Variants in ZNF623 observed in about 807,000 individuals in gnomAD.
The protein encoded by ZNF623 is zinc finger protein 623.
ZNF623 carries 16 observed loss-of-function variants against 24.0 expected under a neutral mutation model. The observed-to-expected ratio is 0.67, with a 90% confidence interval of 0.45 to 1.01. ZNF623 has a LOEUF of 1.01. ZNF623 is among the 50% of genes least tolerant of loss of function. The pLI is 0.00. For synonymous variants in ZNF623, 224 were observed against 219.8 expected, an observed-to-expected ratio of 1.02 and a Z score of -0.17; for missense variants, 566 against 606.5, an observed-to-expected ratio of 0.93 and a Z score of 0.70.
At chr8:143,638,512 G>T (rs1814975438) in intron 1 of ZNF623, among the ~76,000 whole-genome samples, 1 of 151,398 alleles carries the variant, frequency 6.6e-6, no homozygotes, top group Non-Finnish European at 1.5e-5. Flanking sequence ...GAGGTGGGTG[G>T]ATCACCTGAG....
In ZNF623 at chr8:143,650,395, GGA is replaced by G; in HGVS notation, c.410_411del (p.Arg137ThrfsTer5). 6.2e-7 allele frequency: 1 copy of G among 1,614,222 alleles called. No individual in the cohort carries two copies. Among genetic ancestry groups the G allele is most frequent in the Non-Finnish European group, 8.5e-7 (1 of 1,180,052 alleles). On this transcript the variant is annotated frameshift_variant, in exon 2 of 2. Coordinates refer to ENST00000526926, the MANE Select transcript of ZNF623 (RefSeq NM_001261843.2). LOFTEE classifies it low-confidence loss of function (END_TRUNC). The surrounding 1 kb of genome is among the most constrained non-coding windows in gnomAD (Gnocchi z 5.2). ...TATGGAGCATCAGAGAATTCACACT[GGA>G]GAGAGACTCTACGTCTGTAATGTGT... ...HLMEHQRIHTGERLYVCNVCG... is the reference protein window; with the variant it reads ...HLMEHQRIHTXERLYVCNVCG...
In ZNF623 at chr8:143,650,154, T is replaced by C; in HGVS notation, c.162T>C (p.Ala54=). ...GGAAGATCCAGACAGGAGAGACAGCTCAAGTGTGCACCAAGTCAGGAAGAA... is the reference window on the plus strand; with the variant it reads ...GGAAGATCCAGACAGGAGAGACAGCCCAAGTGTGCACCAAGTCAGGAAGAA... ...THWKIQTGET[A]QVCTKSGRNH... The change falls in exon 2 of 2, where the codon GCT becomes GCC. Residue 54 remains alanine (A), a synonymous_variant. Coordinates refer to ENST00000526926, the MANE Select transcript of ZNF623 (RefSeq NM_001261843.2). The surrounding 1 kb of genome is among the most constrained non-coding windows in gnomAD (Gnocchi z 5.2). 1 of 1,614,106 alleles carries C rather than the reference T, an allele frequency of 6.2e-7. No individual in the cohort carries two copies. Among genetic ancestry groups the C allele is most frequent in the Middle Eastern group, 1.6e-4 (1 of 6,062 alleles).
At chr8:143,639,083 G>C (rs548431603) in intron 1 of ZNF623, among the ~76,000 whole-genome samples, 5 of 152,126 alleles carry the variant, frequency 3.3e-5, no homozygotes, top group African/African-American at 1.2e-4. Flanking sequence ...GTAGAGATGG[G>C]GTTTTACCAT....
At chr8:143,636,858 T>C (rs1424490448) in intron 1 of ZNF623, among the ~76,000 whole-genome samples, 1 of 152,212 alleles carries the variant, frequency 6.6e-6, no homozygotes, top group Non-Finnish European at 1.5e-5. Context: ...AAGGCTGTCT[T>C]GCTCCCTTCA....
In ZNF623 at chr8:143,650,936, G is replaced by C. The variant is rs765799494; in HGVS notation, c.944G>C (p.Arg315Pro). 6.2e-7 allele frequency: 1 copy of C among 1,613,862 alleles called. No homozygotes were observed. The part of the protein sequence containing the change: ...RPYVCNECGK[R>P]FSQTSNFTQH... ...TACGTATGCAATGAGTGTGGGAAGC[G>C]CTTCAGCCAGACGTCAAACTTCACC... The change falls in exon 2 of 2, where the codon CGC becomes CCC. Residue 315 changes from arginine to proline, a missense_variant. Arg to Pro is a moderately radical substitution (Grantham distance 103, BLOSUM62 -2). Transcript: ENST00000526926. This position sits in a 1 kb window ranked among gnomAD's most constrained non-coding sequence, Gnocchi z 5.2.
intron 1 of ZNF623, among the ~76,000 whole-genome samples, chr8:143,643,454 C>T (rs549443758): frequency 2.6e-5 from 4 of 152,314 alleles, no homozygotes; most frequent in South Asian, 2.1e-4. Context: ...TGGCACTGGG[C>T]GGGTGGAGTC....
rs1374200410 is a variant in ZNF623, at chr8:143,652,648, C to T, written c.*1165C>T. The stretch of plus-strand genomic sequence containing the variant: ...ATCTGGAGGGCATTGACACCTGGCT[C>T]AGCTGGAACAGTGGGGACAGGAGGA... On this transcript the variant is annotated 3_prime_UTR_variant, in exon 2 of 2. Transcript: ENST00000526926. 1.2e-5 allele frequency: 2 copies of T among 167,112 alleles called. No homozygotes were observed. The highest frequency in any genetic ancestry group is 2.9e-5 in the Non-Finnish European group (2 of 68,142). The allele number at this position is 167,112 out of a possible 1,614,324, so 10.4% of individuals were successfully genotyped here.
Position 143,651,636 on chromosome 8 carries a change from G to A in ZNF623, c.*153G>A, listed in dbSNP as rs1200856555. On this transcript the variant is annotated 3_prime_UTR_variant, in exon 2 of 2. Coordinates refer to ENST00000526926, the MANE Select transcript of ZNF623 (RefSeq NM_001261843.2). Reference sequence around the variant, plus strand: ...CACCTGCCACTGTGCAGCCCTACTCGGCTCAGCCCTTCTCCTCAGCTGTGA... The same window carrying A: ...CACCTGCCACTGTGCAGCCCTACTCAGCTCAGCCCTTCTCCTCAGCTGTGA... 5 of 811,860 alleles carry A rather than the reference G, an allele frequency of 6.2e-6. No homozygotes were observed. Among genetic ancestry groups the A allele is most frequent in the African/African-American group, 1.8e-5 (1 of 57,136 alleles). 50.3% of individuals were successfully genotyped at this position (811,860 alleles called of 1,614,324 possible).
chr8:143,651,601 C>T lies in ZNF623; in HGVS notation c.*118C>T. On this transcript the variant is annotated 3_prime_UTR_variant, in exon 2 of 2. Coordinates refer to ENST00000526926, the MANE Select transcript of ZNF623 (RefSeq NM_001261843.2). ...TGAGTCATGGATGGGGCTGCTTTTG[C>T]AGTGGGTGCCACCTGCCACTGTGCA... The T allele has an allele frequency of 1.7e-6, 2 of 1,179,042 alleles. No individual in the cohort carries two copies. Among genetic ancestry groups the T allele is most frequent in the South Asian group, 3.1e-5 (2 of 63,918 alleles). The allele number at this position is 1,179,042 out of a possible 1,614,324, so 73.0% of individuals were successfully genotyped here.
At chr8:143,644,759 G>A (rs1587328052) in intron 1 of ZNF623, among the ~76,000 whole-genome samples, 2 of 150,666 alleles carry the variant, frequency 1.3e-5, no homozygotes, top group East Asian at 2.0e-4. Context: ...GAACCCAGGA[G>A]GCGGAGGTTG....
rs1343334568 is a variant in ZNF623, at chr8:143,650,117, C to G, written c.125C>G (p.Thr42Arg). The G allele has an allele frequency of 3.7e-6, 6 of 1,614,144 alleles. No homozygotes were observed. In the Admixed American group the frequency reaches 1.0e-4, roughly 27 times the overall value. Residue 42 changes from threonine (T) to arginine (R), a missense_variant, in exon 2 of 2, where the codon ACA becomes AGA. Coordinates refer to ENST00000526926, the MANE Select transcript of ZNF623 (RefSeq NM_001261843.2). The surrounding 1 kb of genome is among the most constrained non-coding windows in gnomAD (Gnocchi z 5.2). Reference sequence around the variant, plus strand: ...CAGGACAGGGGCTGCAAGCAGGTGACAGTGACCCATTGGAAGATCCAGACA... The same window carrying G: ...CAGGACAGGGGCTGCAAGCAGGTGAGAGTGACCCATTGGAAGATCCAGACA... ...PSQDRGCKQV[T>R]VTHWKIQTGE... is the part of the protein sequence containing the mutation.
Position 143,650,077 on chromosome 8 carries a change from G to T in ZNF623, c.85G>T (p.Gly29Trp), listed in dbSNP as rs1815260515. The T allele has an allele frequency of 1.2e-6, 2 of 1,614,008 alleles. No homozygotes were observed. ...LLGNPEGQSLGSSPSQDRGCK... is the reference protein window; with the variant it reads ...LLGNPEGQSLWSSPSQDRGCK... ...GGGAAATCCAGAAGGTCAGAGCCTG[G>T]GGAGTTCCCCCTCTCAGGACAGGGG... Residue 29 changes from glycine to tryptophan, a missense_variant, in exon 2 of 2, where the codon GGG becomes TGG. This residue lies in a region of ZNF623 where 313 missense variants were observed against 300.4 expected (regional missense o/e 1.04). Transcript: ENST00000526926. The surrounding 1 kb of genome is among the most constrained non-coding windows in gnomAD (Gnocchi z 5.2).
rs1209626100 is a variant in ZNF623 at position 143,650,352 on chromosome 8, T to C, written c.360T>C (p.Phe120=). ...CGTGCGATCAGTGTGGGAAAGGCTTTGGCCAGAGCTCACACCTTATGGAGC... is the reference window on the plus strand; with the variant it reads ...CGTGCGATCAGTGTGGGAAAGGCTTCGGCCAGAGCTCACACCTTATGGAGC... The part of the protein sequence containing the change: ...PYTCDQCGKG[F]GQSSHLMEHQ... Residue 120 remains phenylalanine (F), a synonymous_variant, in exon 2 of 2, where the codon TTT becomes TTC. Coordinates refer to ENST00000526926, the MANE Select transcript of ZNF623 (RefSeq NM_001261843.2). The surrounding 1 kb of genome is among the most constrained non-coding windows in gnomAD (Gnocchi z 5.2). 2 of 1,613,948 alleles carry C rather than the reference T, an allele frequency of 1.2e-6. No individual in the cohort carries two copies. The highest frequency in any genetic ancestry group is 1.7e-6 in the Non-Finnish European group (2 of 1,180,014).
chr8:143,648,870 A>G (rs1815229489), intron 1 of ZNF623, among the ~76,000 whole-genome samples: 1 of 151,730 alleles, frequency 6.6e-6, no homozygotes, highest in Non-Finnish European at 1.5e-5. Flanking sequence ...GGGAGGAGGG[A>G]GTGCTGAGTT....
chr8:143,640,174 C>G (rs928253289), intron 1 of ZNF623, among the ~76,000 whole-genome samples: 1 of 152,144 alleles, frequency 6.6e-6, no homozygotes, highest in African/African-American at 2.4e-5. Flanking sequence ...ATAAAAGTTA[C>G]GTTTAGGTAT....
intron 1 of ZNF623, among the ~76,000 whole-genome samples, chr8:143,638,300 C>T (rs185413686): frequency 7.0e-6 from 1 of 142,278 alleles, no homozygotes; most frequent in Non-Finnish European, 1.5e-5. Context: ...GAGACCATGC[C>T]ATTGCACTCC....
At position 143,651,719 on chromosome 8, in the gene ZNF623, G is replaced by A; in HGVS notation, c.*236G>A. The A allele has an allele frequency of 2.1e-6, 1 of 480,550 alleles. No homozygotes were observed. The highest frequency in any genetic ancestry group is 3.8e-6 in the Non-Finnish European group (1 of 266,588). 29.8% of individuals were successfully genotyped at this position (480,550 alleles called of 1,614,324 possible). ...ACCTGACTCTGAGCTGGAACAGTAGGGGCAGGGAGAAGACAGGTCTCAAGA... is the reference window on the plus strand; with the variant it reads ...ACCTGACTCTGAGCTGGAACAGTAGAGGCAGGGAGAAGACAGGTCTCAAGA... On this transcript the variant is annotated 3_prime_UTR_variant, in exon 2 of 2. Transcript: ENST00000526926.
intron 1 of ZNF623, among the ~76,000 whole-genome samples, chr8:143,643,732 C>T (rs1398151268): frequency 6.6e-6 from 1 of 152,212 alleles, no homozygotes; most frequent in Non-Finnish European, 1.5e-5. Context: ...TAAATGGAGT[C>T]GTACAATATG....
At chr8:143,645,255 A>AAC (rs551897677) in intron 1 of ZNF623, among the ~76,000 whole-genome samples, 260 of 152,204 alleles carry the variant, frequency 1.7e-3, no homozygotes, top group East Asian at 3.5e-3. Context: ...CATCCTGGCT[A>AAC]ACGGTGAAAC....
Sources: allele counts gnomAD v4.1 joint callset (sites outside exome capture counted in the v4.1 genomes callset), GRCh38; gene constraint gnomAD v4.1.1; regional missense constraint gnomAD v4.1.1; non-coding constraint Gnocchi (gnomAD v3.1); transcripts MANE v1.5; gene names NCBI Gene and HGNC (gene_info 2026-07-23, HGNC 2026-07-21).